ARHGAP44: variants seen among roughly 807,000 people sequenced by gnomAD.
The protein encoded by ARHGAP44 is Rho GTPase activating protein 44.
ARHGAP44 carries 43 observed loss-of-function variants against 106.8 expected under a neutral mutation model. The ratio of observed to expected loss-of-function variants is 0.40; its 90% CI spans 0.32 to 0.52. The LOEUF is 0.52. Ranked by LOEUF, ARHGAP44 falls within the 20% of genes least tolerant of loss-of-function variation. The pLI, the probability that ARHGAP44 is intolerant of heterozygous loss-of-function variation, is 0.48. For synonymous variants in ARHGAP44, 439 were observed against 410.3 expected (o/e 1.07, Z -0.85); for missense variants, 866 against 1,050.5 (o/e 0.82, Z 2.43).
At position 12,802,963 on chromosome 17, in the gene ARHGAP44, ATATATATTTTTT is replaced by A. The variant is rs1395944116; in HGVS notation, c.53+13074_53+13085del. On this transcript the variant is annotated intron_variant, in intron 1 of 20. Coordinates refer to ENST00000379672, the MANE Select transcript of ARHGAP44 (RefSeq NM_014859.6). ...TATATATATATATATATATATATATATATATATTTTTTTTTTTTTTTTTTTTTGAGGCAGAGT... is the reference window on the plus strand; with the variant it reads ...TATATATATATATATATATATATATATTTTTTTTTTTTTTTGAGGCAGAGT... Among the ~76,000 whole-genome samples the A allele has an allele frequency of 2.7e-4, 6 of 22,124 alleles. No homozygotes were observed. The Admixed American group carries it at 4.1e-3, about 15-fold the overall frequency. 14.5% of individuals were successfully genotyped at this position (22,124 alleles called of 152,430 possible).
intron 1 of ARHGAP44, among the ~76,000 whole-genome samples, chr17:12,797,711 T>C (rs2033966055): frequency 6.6e-6 from 1 of 152,216 alleles, no homozygotes; most frequent in African/African-American, 2.4e-5. Context: ...AGAAAGTTGA[T>C]CAGTTTTCTT....
At chr17:12,944,246 C>T (rs753510826) in intron 10 of ARHGAP44, 50 bp downstream of exon 10, 44 of 1,536,956 alleles carry the variant, frequency 2.9e-5, no homozygotes, top group Admixed American at 5.5e-5. Flanking sequence ...TCCTCTTCCA[C>T]GAGACAGAGC....
chr17:12,919,424 C>A (rs1233508215), intron 5 of ARHGAP44, among the ~76,000 whole-genome samples: 1 of 137,508 alleles, frequency 7.3e-6, no homozygotes, highest in Non-Finnish European at 1.5e-5. Context: ...CTCGCTCTGT[C>A]ACACAGGCTG....
intron 20 of ARHGAP44, among the ~76,000 whole-genome samples, 187 bp from the exon 21 acceptor site, chr17:12,989,845 A>G (rs2040073083): frequency 6.6e-6 from 1 of 152,180 alleles, no homozygotes; most frequent in Non-Finnish European, 1.5e-5. Flanking sequence ...CTTATGGGGT[A>G]GAAGCAAAGC....
At chr17:12,982,381 C>T (rs2039855997) in intron 19 of ARHGAP44, among the ~76,000 whole-genome samples, 1 of 151,508 alleles carries the variant, frequency 6.6e-6, no homozygotes, top group African/African-American at 2.4e-5. Context: ...CATCCTATTC[C>T]TGTCACCACC....
intron 1 of ARHGAP44, among the ~76,000 whole-genome samples, chr17:12,810,105 TG>T (rs11305112): frequency 0.17 from 25,485 of 151,918 alleles, 3,441 homozygotes; most frequent in African/African-American, 0.37. Flanking sequence ...CTAGATGTTG[TG>T]GAAGTAAAGG....
intron 20 of ARHGAP44, among the ~76,000 whole-genome samples, chr17:12,989,425 T>A (rs58620328): frequency 6.6e-6 from 1 of 152,070 alleles, no homozygotes; most frequent in African/African-American, 2.4e-5. Context: ...CCGGGAAAAA[T>A]GACCTTTTAA....
rs3076662 is a variant in ARHGAP44 at position 12,910,446 on chromosome 17, CTTTTTTTTT to C, written c.275+1485_275+1493del. On this transcript the variant is annotated intron_variant, in intron 4 of 20. Transcript: ENST00000379672. ...AGGATAGAACATGGGCTTATGTAGC[CTTTTTTTTT>C]TTTTTTTTTTTGAGATAGATTCTTG... 6.4e-5 allele frequency among the ~76,000 whole-genome samples: 6 copies of C among 93,524 alleles called. 1 individual carries two copies. The South Asian group carries it at 2.4e-3, about 37-fold the overall frequency. 61.4% of individuals were successfully genotyped at this position (93,524 alleles called of 152,430 possible). A position where few individuals can be genotyped will look rare whatever the true frequency, so the allele number is the denominator to read the frequency against.
chr17:12,876,027 A>G (rs1295989510), intron 1 of ARHGAP44, among the ~76,000 whole-genome samples: 1 of 152,212 alleles, frequency 6.6e-6, no homozygotes, highest in African/African-American at 2.4e-5. Flanking sequence ...TAGAGCTAGA[A>G]GCTCTAACTG....
chr17:12,880,078 A>G (rs899851312), intron 1 of ARHGAP44, among the ~76,000 whole-genome samples: 4 of 152,110 alleles, frequency 2.6e-5, no homozygotes, highest in African/African-American at 7.2e-5. Context: ...GTGTGCACAT[A>G]TATATACACC....
intron 1 of ARHGAP44, among the ~76,000 whole-genome samples, chr17:12,805,818 A>AGGGAGT (rs2034258446): frequency 1.3e-5 from 2 of 152,196 alleles, no homozygotes; most frequent in African/African-American, 4.8e-5. Context: ...GACTAGGCAG[A>AGGGAGT]GGGAGTTGAG....
rs115632226 is a variant in ARHGAP44, at chr17:12,906,495, G to C, written c.199-2402G>C. Among the ~76,000 whole-genome samples, 798 of 152,304 alleles carry C rather than the reference G, an allele frequency of 5.2e-3. 12 individuals carry two copies. The highest frequency in any genetic ancestry group is 0.018 in the African/African-American group (760 of 41,568). ...CTCCCCTCCTCAGGTTTGATAATTT[G>C]CTAAAATGGCTCGAAGAACTCAGGG... On this transcript the variant is annotated intron_variant, in intron 3 of 20. Transcript: ENST00000379672.
intron 13 of ARHGAP44, among the ~76,000 whole-genome samples, chr17:12,954,791 A>G (rs2039087189): frequency 6.6e-6 from 1 of 152,104 alleles, no homozygotes; most frequent in African/African-American, 2.4e-5. Flanking sequence ...ATTTGCACGT[A>G]GCTTCTTCAT....
Position 12,919,891 on chromosome 17 carries a change from G to A in ARHGAP44, c.464+60G>A, listed in dbSNP as rs1022752093. On this transcript the variant is annotated intron_variant, in intron 6 of 20. Coordinates refer to ENST00000379672, the MANE Select transcript of ARHGAP44 (RefSeq NM_014859.6). The stretch of plus-strand genomic sequence containing the variant: ...AAGGGACAGTGATCATATTTTGGGC[G>A]GGTGGGTTTTAAGTAGGCAATTGTG... 5.8e-5 allele frequency: 86 copies of A among 1,474,702 alleles called. No individual in the cohort carries two copies. The African/African-American group carries it at 6.3e-4, about 11-fold the overall frequency. 91.4% of individuals were successfully genotyped at this position (1,474,702 alleles called of 1,614,324 possible).
chr17:12,984,028 G>A (rs2039896152), intron 19 of ARHGAP44, among the ~76,000 whole-genome samples: 1 of 152,200 alleles, frequency 6.6e-6, no homozygotes, highest in Non-Finnish European at 1.5e-5. Flanking sequence ...GGAGCCAGAA[G>A]CCACTGGACA....
At position 12,814,694 on chromosome 17, in the gene ARHGAP44, A is replaced by G. The variant is rs1333893596; in HGVS notation, c.53+24803A>G. On this transcript the variant is annotated intron_variant, in intron 1 of 20. Transcript: ENST00000379672. ...GCAAGCATACCTATATTGCACCCTCATATTACATATAGCAAATGCTGTTAG... is the reference window on the plus strand; with the variant it reads ...GCAAGCATACCTATATTGCACCCTCGTATTACATATAGCAAATGCTGTTAG... Among the ~76,000 whole-genome samples the G allele has an allele frequency of 3.9e-5, 6 of 152,154 alleles. No homozygotes were observed. In the East Asian group the frequency reaches 1.2e-3, roughly 29 times the overall value.
At position 12,949,340 on chromosome 17, in the gene ARHGAP44, C is replaced by A; in HGVS notation, c.973+89C>A. Reference sequence around the variant, plus strand: ...TGTGTGGCTACAAGTCCAGGACACTCAAGTCAGTGGCTGCCCAAAGCACTT... The same window carrying A: ...TGTGTGGCTACAAGTCCAGGACACTAAAGTCAGTGGCTGCCCAAAGCACTT... On this transcript the variant is annotated intron_variant, in intron 11 of 20. Coordinates refer to ENST00000379672, the MANE Select transcript of ARHGAP44 (RefSeq NM_014859.6). The surrounding 1 kb of genome is among the most constrained non-coding windows in gnomAD (Gnocchi z 4.1). The A allele has an allele frequency of 7.4e-7, 1 of 1,358,938 alleles. No individual in the cohort carries two copies. Among genetic ancestry groups the A allele is most frequent in the Non-Finnish European group, 1.0e-6 (1 of 987,454 alleles). 84.2% of individuals were successfully genotyped at this position (1,358,938 alleles called of 1,614,324 possible).
At chr17:12,797,109 G>T (rs910687908) in intron 1 of ARHGAP44, among the ~76,000 whole-genome samples, 3 of 152,012 alleles carry the variant, frequency 2.0e-5, no homozygotes, top group African/African-American at 7.2e-5. Flanking sequence ...TTTGTTGTAT[G>T]TCTCTTTTTT....
intron 1 of ARHGAP44, among the ~76,000 whole-genome samples, chr17:12,799,938 T>C (rs981482306): frequency 6.6e-6 from 1 of 152,154 alleles, no homozygotes; most frequent in Non-Finnish European, 1.5e-5. Context: ...CAGAGAAAAT[T>C]AATTTTTTGT....
Sources: gnomAD v4.1 joint callset for allele counts (sites outside exome capture counted in the v4.1 genomes callset) on GRCh38, gnomAD v4.1.1 for gene constraint, Gnocchi (gnomAD v3.1) non-coding constraint, MANE v1.5 for transcripts, NCBI Gene and HGNC (gene_info 2026-07-23, HGNC 2026-07-21) for gene names.